Variants in AP3S2 observed in about 807,000 individuals in gnomAD.
AP3S2 encodes AP-3 complex subunit sigma-2.
AP3S2 carries 22 observed loss-of-function variants against 23.4 expected under a neutral mutation model. The observed-to-expected ratio is 0.94, with a 90% CI of 0.67 to 1.34. The LOEUF (loss-of-function observed/expected upper bound fraction) is 1.34, where lower values mean the gene tolerates loss of function less well. Ranked by LOEUF, AP3S2 falls within the 40% of genes most tolerant of loss-of-function variation. AP3S2 has a pLI of 0.00. For synonymous variants in AP3S2, 86 were observed against 87.1 expected (o/e 0.99, Z 0.07); for missense variants, 241 against 236.9 (o/e 1.02, Z -0.11).
Position 89,835,308 on chromosome 15 carries a change from C to T in AP3S2, c.*207G>A. The T allele has an allele frequency of 1.3e-6, 1 of 798,100 alleles. No homozygotes were observed. The highest frequency in any genetic ancestry group is 1.9e-6 in the Non-Finnish European group (1 of 524,332). 49.4% of individuals were successfully genotyped at this position (798,100 alleles called of 1,614,324 possible). On this transcript the variant is annotated 3_prime_UTR_variant, in exon 6 of 6. Transcript: ENST00000336418. ...CCGTATGCATCAGAGAACGGCATGA[C>T]TGCACATGTGAGAACTGGGTGCACC...
intron 4 of AP3S2, among the ~76,000 whole-genome samples, chr15:89,854,409 C>T (rs1895755312): frequency 3.9e-5 from 2 of 51,828 alleles, no homozygotes; most frequent in Admixed American, 1.5e-4. Context: ...GTCAGCCCTC[C>T]GCCCGGCCAG....
intron 3 of AP3S2, among the ~76,000 whole-genome samples, chr15:89,884,876 C>T (rs1896658510): frequency 6.6e-6 from 1 of 152,156 alleles, no homozygotes; most frequent in Admixed American, 6.5e-5. Context: ...TCTCGAACTC[C>T]TGACCTCGTG....
intron 4 of AP3S2, among the ~76,000 whole-genome samples, chr15:89,858,543 AAGAAAGAAAGAAAGAAAG>A (rs1330119556): frequency 6.8e-6 from 1 of 146,852 alleles, no homozygotes; most frequent in Non-Finnish European, 1.5e-5. Flanking sequence ...GAAAGAAAGA[AAGAAAGAAAGAAAGAAAG>A]AGAAACTCTA....
At chr15:89,867,311 G>C in intron 4 of AP3S2, among the ~76,000 whole-genome samples, 1 of 150,886 alleles carries the variant, frequency 6.6e-6, no homozygotes, top group Admixed American at 6.6e-5. Flanking sequence ...CGTTCACTCA[G>C]TGCTCAATGG....
chr15:89,881,855 T>C (rs1004374600), intron 3 of AP3S2, among the ~76,000 whole-genome samples: 2 of 151,962 alleles, frequency 1.3e-5, no homozygotes, highest in African/African-American at 4.8e-5. Flanking sequence ...AGTCTCACTG[T>C]TGTCGCCCAG....
intron 3 of AP3S2, among the ~76,000 whole-genome samples, chr15:89,885,879 T>TG (rs1304273269): frequency 6.9e-6 from 1 of 145,354 alleles, no homozygotes; most frequent in African/African-American, 2.6e-5. Context: ...AGATGGAGGC[T>TG]GCAGTGAGCT....
intron 4 of AP3S2, 42 bp from the exon 5 acceptor site, chr15:89,837,764 T>C (rs368634689): frequency 6.2e-7 from 1 of 1,609,078 alleles, no homozygotes; most frequent in African/African-American, 1.3e-5. Flanking sequence ...TACTCTGTGG[T>C]GGTCAGAGTG....
At chr15:89,882,749 T>G (rs1379008275) in intron 3 of AP3S2, among the ~76,000 whole-genome samples, 1 of 152,232 alleles carries the variant, frequency 6.6e-6, no homozygotes, top group African/African-American at 2.4e-5. Context: ...TGATTTGGAT[T>G]TTCTAGATAA....
intron 3 of AP3S2, among the ~76,000 whole-genome samples, chr15:89,887,379 AT>A (rs912407668): frequency 5.1e-5 from 7 of 136,108 alleles, no homozygotes; most frequent in South Asian, 2.2e-4. Context: ...TTTTATTATT[AT>A]TTTTTTTTTG....
chr15:89,882,931 C>A (rs1300171240), intron 3 of AP3S2, among the ~76,000 whole-genome samples: 1 of 152,164 alleles, frequency 6.6e-6, no homozygotes, highest in Non-Finnish European at 1.5e-5. Flanking sequence ...ACTTGGTTTT[C>A]CATTTGATGT....
At position 89,889,055 on chromosome 15, in the gene AP3S2, C is replaced by T; in HGVS notation, c.155G>A (p.Gly52Asp). The T allele has an allele frequency of 6.2e-7, 1 of 1,614,138 alleles. No individual in the cohort carries two copies. The highest frequency in any genetic ancestry group is 2.2e-5 in the East Asian group (1 of 44,884). The change falls in exon 2 of 6, where the codon GGT becomes GAT. Residue 52 changes from glycine (G) to aspartate (D), a missense_variant. Transcript: ENST00000336418. ...AATGAAGCTGACAGTTTACCTTCCA[C>T]CCTCCAAGAAGTTACAGATGTTGTC... ...RDDNICNFLE[G>D]GSLIGGSDYK...
At chr15:89,883,969 G>A (rs1896633567) in intron 3 of AP3S2, 1 of 152,474 alleles carries the variant, frequency 6.6e-6, no homozygotes, top group Admixed American at 6.6e-5. Flanking sequence ...TCAGATTTAG[G>A]ATAAGTATAA....
chr15:89,877,788 C>G (rs1272782520), intron 3 of AP3S2, among the ~76,000 whole-genome samples: 3 of 151,822 alleles, frequency 2.0e-5, no homozygotes, highest in Admixed American at 6.6e-5. Context: ...GAGTGAGACT[C>G]TGTCTCAAAA....
At chr15:89,880,137 T>C (rs1319213873) in intron 3 of AP3S2, among the ~76,000 whole-genome samples, 3 of 151,582 alleles carry the variant, frequency 2.0e-5, no homozygotes, top group South Asian at 2.1e-4. Context: ...AGTGAGACTC[T>C]GTCTCCAAAA....
chr15:89,885,645 G>A (rs1381379031), intron 3 of AP3S2, among the ~76,000 whole-genome samples: 1 of 151,912 alleles, frequency 6.6e-6, no homozygotes, highest in African/African-American at 2.4e-5. Flanking sequence ...AATTTTTATT[G>A]TCTTTTCAAA....
intron 4 of AP3S2, chr15:89,850,509 G>C (rs1895622276): frequency 6.6e-6 from 1 of 152,230 alleles, no homozygotes; most frequent in South Asian, 2.1e-4. Context: ...AAGAAGAGCA[G>C]ATTCAAATCT....
chr15:89,854,042 G>A (rs1309842549), intron 4 of AP3S2, among the ~76,000 whole-genome samples: 1 of 48,800 alleles, frequency 2.0e-5, no homozygotes, highest in Non-Finnish European at 4.2e-5. Flanking sequence ...CCCCCCGCCC[G>A]GCCAGCCGCC....
At chr15:89,845,014 T>C (rs888450701) in intron 4 of AP3S2, among the ~76,000 whole-genome samples, 1 of 152,130 alleles carries the variant, frequency 6.6e-6, no homozygotes, top group African/African-American at 2.4e-5. Flanking sequence ...CAAGCGATTC[T>C]CTTGCCTCAG....
chr15:89,881,908 C>A (rs957903091), intron 3 of AP3S2, among the ~76,000 whole-genome samples: 3 of 151,804 alleles, frequency 2.0e-5, no homozygotes, highest in African/African-American at 4.8e-5. Context: ...GCAACCTCCA[C>A]CTCCCGGGTT....
Sources: allele counts gnomAD v4.1 joint callset (sites outside exome capture counted in the v4.1 genomes callset), GRCh38; gene constraint gnomAD v4.1.1; transcripts MANE v1.5; gene names NCBI Gene and HGNC (gene_info 2026-07-23, HGNC 2026-07-21).